The following PVT1 variants were observed in gnomAD, a reference collection of about 807,000 sequenced individuals.
The protein encoded by PVT1 is Pvt1 oncogene.
chr8:127,817,507 T>TATATATATATATA (rs1814677504), intron 2 of PVT1, among the ~76,000 whole-genome samples: 1 of 118,682 alleles, frequency 8.4e-6, no homozygotes, highest in African/African-American at 3.4e-5. Context: ...ACATATATAT[T>TATATATATATATA]TAAATAGATA....
At chr8:127,900,250 C>T (rs955314956) in intron 3 of PVT1, among the ~76,000 whole-genome samples, 5 of 151,912 alleles carry the variant, frequency 3.3e-5, no homozygotes, top group African/African-American at 4.8e-5. Flanking sequence ...ACTGTGTTAG[C>T]CAGGATGGTC....
At chr8:127,872,474 A>G (rs974019248) in intron 2 of PVT1, among the ~76,000 whole-genome samples, 1 of 152,206 alleles carries the variant, frequency 6.6e-6, no homozygotes, top group Non-Finnish European at 1.5e-5. Flanking sequence ...GAAAGGGTAA[A>G]TGTTTGAGGT....
At chr8:127,963,524 G>A (rs1816669946) in intron 3 of PVT1, among the ~76,000 whole-genome samples, 1 of 152,152 alleles carries the variant, frequency 6.6e-6, no homozygotes, top group Non-Finnish European at 1.5e-5. Flanking sequence ...GGGGGATTTA[G>A]CACTCTTAGA....
chr8:128,089,517 G>T (rs192781115), intron 5 of PVT1, among the ~76,000 whole-genome samples: 41 of 152,270 alleles, frequency 2.7e-4, no homozygotes, highest in Admixed American at 2.5e-3. Flanking sequence ...TACCCTGGAG[G>T]TTAGAATTTC....
intron 2 of PVT1, among the ~76,000 whole-genome samples, chr8:127,867,992 T>C (rs904029058): frequency 2.6e-5 from 4 of 152,242 alleles, no homozygotes; most frequent in African/African-American, 7.2e-5. Flanking sequence ...TCCTCTGTGA[T>C]CCCTCTGTCC....
chr8:127,924,724 G>T (rs896197649), intron 3 of PVT1, among the ~76,000 whole-genome samples: 3 of 152,040 alleles, frequency 2.0e-5, no homozygotes, highest in African/African-American at 7.2e-5. Flanking sequence ...TGTTAGCCAG[G>T]ATGGTCTTGA....
chr8:128,026,904 G>C (rs1329554707), intron 4 of PVT1, among the ~76,000 whole-genome samples: 1 of 152,114 alleles, frequency 6.6e-6, no homozygotes, highest in Non-Finnish European at 1.5e-5. Context: ...AGAGTCTGGA[G>C]CAGAATCTGG....
At chr8:127,872,266 A>G (rs1815359377) in intron 2 of PVT1, among the ~76,000 whole-genome samples, 1 of 151,804 alleles carries the variant, frequency 6.6e-6, no homozygotes, top group Non-Finnish European at 1.5e-5. Context: ...ATACAAAAAT[A>G]GCCGGGCTTG....
chr8:127,973,809 C>G (rs898211816), intron 3 of PVT1, among the ~76,000 whole-genome samples: 3 of 151,880 alleles, frequency 2.0e-5, no homozygotes, highest in Admixed American at 6.6e-5. Flanking sequence ...GAAACCCCAT[C>G]TCTACTAAAA....
intron 3 of PVT1, among the ~76,000 whole-genome samples, chr8:127,913,745 T>A (rs1190088947): frequency 2.6e-5 from 4 of 152,094 alleles, no homozygotes; most frequent in African/African-American, 9.7e-5. Flanking sequence ...CACTCCAGGG[T>A]CTGTGTGGGA....
chr8:127,852,819 A>G (rs1815118784), intron 2 of PVT1, among the ~76,000 whole-genome samples: 1 of 152,146 alleles, frequency 6.6e-6, no homozygotes, highest in African/African-American at 2.4e-5. Flanking sequence ...ACGTTATGAC[A>G]TGTTCTGATG....
chr8:127,951,605 G>A (rs551236459), intron 3 of PVT1, among the ~76,000 whole-genome samples: 24 of 152,182 alleles, frequency 1.6e-4, no homozygotes, highest in Admixed American at 3.9e-4. Flanking sequence ...AGCCTCCCCC[G>A]GTCATTACAT....
chr8:127,933,994 C>T (rs1816242988), intron 3 of PVT1, among the ~76,000 whole-genome samples: 1 of 152,216 alleles, frequency 6.6e-6, no homozygotes, highest in South Asian at 2.1e-4. Flanking sequence ...GTGATGGTTA[C>T]AGAGCTGTAG....
chr8:127,929,601 C>G (rs192410123), intron 3 of PVT1, among the ~76,000 whole-genome samples: 1,727 of 152,168 alleles, frequency 0.011, 29 homozygotes, highest in African/African-American at 0.038. Context: ...CCCGTCTCTA[C>G]TAAAAATACA....
chr8:128,101,126 A>G (rs991524659), intron 6 of PVT1: 3 of 150,920 alleles, frequency 2.0e-5, no homozygotes, highest in African/African-American at 7.3e-5. Flanking sequence ...TTACCTGTCC[A>G]CCCCCACCCC....
chr8:127,843,059 A>G (rs1814990291), intron 2 of PVT1, among the ~76,000 whole-genome samples: 2 of 152,196 alleles, frequency 1.3e-5, no homozygotes, highest in South Asian at 4.1e-4. Flanking sequence ...TTCTGAGGAT[A>G]AAAATAGTGA....
At chr8:128,070,062 G>T (rs894314136) in intron 4 of PVT1, 1 of 152,112 alleles carries the variant, frequency 6.6e-6, no homozygotes, top group Admixed American at 6.5e-5. Context: ...GATCCTCCCT[G>T]TCTTGTTCTG....
chr8:127,945,736 A>G (rs530256012), intron 3 of PVT1, among the ~76,000 whole-genome samples: 28 of 152,306 alleles, frequency 1.8e-4, no homozygotes, highest in African/African-American at 6.5e-4. Context: ...ACGTAGCCAT[A>G]GACAGGACTG....
chr8:127,884,833 T>A (rs17775239), intron 2 of PVT1, among the ~76,000 whole-genome samples: 29,913 of 152,202 alleles, frequency 0.2, 3,243 homozygotes, highest in Non-Finnish European at 0.26. Context: ...CACCTTCTTG[T>A]GAGCATCAGG....
Sources: allele counts gnomAD v4.1 joint callset (sites outside exome capture counted in the v4.1 genomes callset), GRCh38; gene constraint gnomAD v4.1.1; transcripts MANE v1.5; gene names NCBI Gene and HGNC (gene_info 2026-07-23, HGNC 2026-07-21).